Variants in ANKFN1 observed in about 807,000 individuals in gnomAD.
ANKFN1 encodes ankyrin repeat and fibronectin type-III domain-containing protein 1.
ANKFN1 carries 74 observed loss-of-function variants against 108.7 expected under a neutral mutation model. The observed-to-expected ratio is 0.68, with a 90% CI of 0.56 to 0.83. The LOEUF (loss-of-function observed/expected upper bound fraction) is 0.83. Ranked by LOEUF, ANKFN1 falls within the 40% of genes least tolerant of loss-of-function variation. ANKFN1 has a pLI of 0.00. For missense variants in ANKFN1, 1,505 were observed against 1,382.3 expected, an observed-to-expected ratio of 1.09 and a Z score of -1.41; for synonymous variants, 547 against 516.2, an observed-to-expected ratio of 1.06 and a Z score of -0.81.
intron 4 of ANKFN1, among the ~76,000 whole-genome samples, chr17:56,109,171 G>A (rs1424911228): frequency 6.6e-6 from 1 of 152,174 alleles, no homozygotes; most frequent in African/African-American, 2.4e-5. Context: ...GTCAGAATGA[G>A]CTTATGTCAG....
chr17:56,312,146 A>G (rs1173754973), intron 3 of ANKFN1, among the ~76,000 whole-genome samples: 2 of 152,180 alleles, frequency 1.3e-5, no homozygotes, highest in Non-Finnish European at 2.9e-5. Flanking sequence ...GAGGGCTACC[A>G]TGTGGTTACT....
At chr17:56,417,456 G>A (rs747310389) in intron 8 of ANKFN1, among the ~76,000 whole-genome samples, 21 of 152,190 alleles carry the variant, frequency 1.4e-4, no homozygotes, top group Non-Finnish European at 2.1e-4. Context: ...CTCAAGCAGG[G>A]TGACTTAAGA....
At chr17:56,233,508 C>T (rs2143946817) in intron 3 of ANKFN1, among the ~76,000 whole-genome samples, 2 of 152,104 alleles carry the variant, frequency 1.3e-5, no homozygotes, top group South Asian at 4.1e-4. Context: ...AAACATTTTA[C>T]CTTTCTGTCT....
chr17:56,054,326 A>G (rs902671833), intron 4 of ANKFN1, among the ~76,000 whole-genome samples: 1 of 152,194 alleles, frequency 6.6e-6, no homozygotes, highest in African/African-American at 2.4e-5. Flanking sequence ...GCCACCATCC[A>G]TATCTCTTAT....
intron 3 of ANKFN1, among the ~76,000 whole-genome samples, chr17:56,268,841 G>A (rs2043721073): frequency 6.6e-6 from 1 of 151,902 alleles, no homozygotes; most frequent in African/African-American, 2.4e-5. Context: ...TTCTCAGTCT[G>A]CAAATTTTTA....
intron 4 of ANKFN1, among the ~76,000 whole-genome samples, chr17:56,052,248 G>A (rs1306065387): frequency 1.3e-5 from 2 of 152,040 alleles, no homozygotes; most frequent in East Asian, 3.9e-4. Flanking sequence ...TTTTTTAGAA[G>A]CTTTACTGAC....
chr17:56,269,480 G>A (rs1316892074), intron 3 of ANKFN1, among the ~76,000 whole-genome samples: 2 of 152,150 alleles, frequency 1.3e-5, no homozygotes, highest in African/African-American at 2.4e-5. Context: ...ACTTGCCCAA[G>A]GTCATGGAGC....
chr17:56,089,471 C>T (rs1905374956), intron 4 of ANKFN1, among the ~76,000 whole-genome samples: 1 of 151,466 alleles, frequency 6.6e-6, no homozygotes. Context: ...TTCTGATACA[C>T]AGTTCTAAAG....
chr17:56,228,059 G>A (rs771350545), intron 3 of ANKFN1, 102 bp downstream of exon 3: 2 of 976,680 alleles, frequency 2.0e-6, no homozygotes, highest in Admixed American at 2.7e-5. Context: ...CATTTTTAAA[G>A]TCTAGCTCAG....
rs753393097 is a variant in ANKFN1, at chr17:56,084,079, C to T, written c.288+37754C>T. 2.8e-4 allele frequency among the ~76,000 whole-genome samples: 43 copies of T among 151,238 alleles called. 2 individuals are homozygous for T. The highest frequency in any genetic ancestry group is 5.5e-4 in the Non-Finnish European group (37 of 67,698). On this transcript the variant is annotated intron_variant, in intron 4 of 12. Coordinates refer to the ANKFN1 transcript ENST00000635860. ...CCCATTATATAGCCCTGTGGGAATT[C>T]AGACTCTGGTATGAGCCTAGGATGT... is the stretch of plus-strand genomic sequence containing the variant.
At chr17:56,125,711 G>T (rs1038860438) in intron 4 of ANKFN1, among the ~76,000 whole-genome samples, 2 of 152,192 alleles carry the variant, frequency 1.3e-5, no homozygotes, top group Non-Finnish European at 2.9e-5. Flanking sequence ...CGGTAATAAA[G>T]TTATGATTTG....
intron 3 of ANKFN1, among the ~76,000 whole-genome samples, chr17:56,261,906 C>T (rs1389297117): frequency 1.3e-5 from 2 of 152,132 alleles, no homozygotes; most frequent in Non-Finnish European, 2.9e-5. Context: ...TCAATATTAA[C>T]CATCACAGAC....
intron 3 of ANKFN1, among the ~76,000 whole-genome samples, chr17:56,315,571 C>A (rs2045179569): frequency 6.6e-6 from 1 of 152,186 alleles, no homozygotes; most frequent in Admixed American, 6.5e-5. Flanking sequence ...AAGCCATTGA[C>A]CTTTTAATTC....
At position 56,092,564 on chromosome 17, in the gene ANKFN1, G is replaced by A. The variant is rs780932699; in HGVS notation, c.288+46239G>A. 7.9e-5 allele frequency among the ~76,000 whole-genome samples: 12 copies of A among 151,030 alleles called. 1 individual carries two copies. Among genetic ancestry groups the A allele is most frequent in the African/African-American group, 1.7e-4 (7 of 41,132 alleles). On this transcript the variant is annotated intron_variant, in intron 4 of 12. Coordinates refer to the ANKFN1 transcript ENST00000635860. ...GTTAGGATTACAGGCGTGAGCCACC[G>A]CGCCCAGTCGGTAGTATGTTTTTTA...
intron 8 of ANKFN1, among the ~76,000 whole-genome samples, chr17:56,432,843 T>C (rs1057077502): frequency 6.6e-6 from 1 of 152,272 alleles, no homozygotes; most frequent in South Asian, 2.1e-4. Context: ...ACCTAAATTA[T>C]GCCCAAGAAG....
At chr17:56,328,584 C>T (rs2045582761) in intron 4 of ANKFN1, among the ~76,000 whole-genome samples, 1 of 152,144 alleles carries the variant, frequency 6.6e-6, no homozygotes, top group African/African-American at 2.4e-5. Flanking sequence ...CTAAGAACTT[C>T]ACTTATAATT....
chr17:56,325,839 T>C (rs947760641), intron 3 of ANKFN1, among the ~76,000 whole-genome samples: 1 of 152,178 alleles, frequency 6.6e-6, no homozygotes. Context: ...TGCCAGACAA[T>C]ATTTCTTTCC....
At chr17:56,474,016 A>G (rs2050416208) in intron 15 of ANKFN1, among the ~76,000 whole-genome samples, 1 of 152,154 alleles carries the variant, frequency 6.6e-6, no homozygotes, top group Non-Finnish European at 1.5e-5. Context: ...TTAAGTTTCA[A>G]CCGTAATTAT....
At chr17:56,048,985 G>T (rs1904728009) in intron 4 of ANKFN1, among the ~76,000 whole-genome samples, 1 of 152,246 alleles carries the variant, frequency 6.6e-6, no homozygotes, top group Non-Finnish European at 1.5e-5. Context: ...CCACTGCCCT[G>T]TAATGATCTC....
Sources: allele counts gnomAD v4.1 joint callset (sites outside exome capture counted in the v4.1 genomes callset), GRCh38; gene constraint gnomAD v4.1.1; transcripts MANE v1.5; gene names NCBI Gene and HGNC (gene_info 2026-07-23, HGNC 2026-07-21).